C22orf42: variants seen among roughly 807,000 people sequenced by gnomAD.
C22orf42 encodes the protein chromosome 22 open reading frame 42.
A neutral mutation model predicts 31.4 loss-of-function variants in C22orf42; 24 were observed. That is an observed-to-expected ratio of 0.77 (90% CI 0.55 to 1.08). The LOEUF is 1.08. C22orf42 is among the 50% of genes least tolerant of loss of function. C22orf42 has a pLI of 0.00. For synonymous variants in C22orf42, 96 were observed against 112.7 expected, an observed-to-expected ratio of 0.85 and a Z score of 0.94; for missense variants, 276 against 327.3, an observed-to-expected ratio of 0.84 and a Z score of 1.21.
rs534826113 is a variant in C22orf42, at chr22:32,150,988, G to A, written c.493+4C>T. The A allele has an allele frequency of 5.6e-5, 90 of 1,611,042 alleles. No homozygotes were observed. The East Asian group carries it at 7.8e-4, about 14-fold the overall frequency. ...AATAAAGCTGTTTAAAAAAAAATAC[G>A]TACGGTGGTCGTGCTTGGCCTCAGA... On this transcript the variant is annotated splice_donor_region_variant and intron_variant, in intron 6 of 8. Transcript: ENST00000382097.
rs1603184940 is a variant in C22orf42 at position 32,159,177 on chromosome 22, C to T, written c.39G>A (p.Gly13=). 2 of 1,614,006 alleles carry T rather than the reference C, an allele frequency of 1.2e-6. No individual in the cohort carries two copies. Among genetic ancestry groups the T allele is most frequent in the African/African-American group, 1.3e-5 (1 of 75,032 alleles). The change falls in exon 1 of 9, where the codon GGG becomes GGA. Residue 13 remains glycine, a synonymous_variant. Coordinates refer to ENST00000382097, the MANE Select transcript of C22orf42 (RefSeq NM_001010859.3). ...GCCTGCAGCAGTCACAGTTGAGGCCCCCGCTGGGGCCCAGGCAGCAAGTCA... is the reference window on the plus strand; with the variant it reads ...GCCTGCAGCAGTCACAGTTGAGGCCTCCGCTGGGGCCCAGGCAGCAAGTCA... ...SKLTCCLGPS[G]GLNCDCCRPD... is the part of the protein sequence containing the mutation.
intron 5 of C22orf42, among the ~76,000 whole-genome samples, 171 bp downstream of exon 5, chr22:32,151,316 C>T (rs1478164445): frequency 1.3e-5 from 2 of 152,162 alleles, no homozygotes; most frequent in Non-Finnish European, 2.9e-5. Flanking sequence ...CCTTTGACGG[C>T]CATCGTCAAT....
rs45494991 is a variant in C22orf42, at chr22:32,149,775, C to G, written c.660G>C (p.Lys220Asn). 291 of 1,483,890 alleles carry G rather than the reference C, an allele frequency of 2.0e-4. 1 individual carries two copies. The Middle Eastern group carries it at 2.5e-3, about 13-fold the overall frequency. The allele number at this position is 1,483,890 out of a possible 1,614,324, so 91.9% of individuals were successfully genotyped here. A position where few individuals can be genotyped will look rare whatever the true frequency, so the allele number is the denominator to read the frequency against. ...LEDLMTPEMA[K>N]ERYEDYLCWV... ...TACAGAGGTAATCTTCATATCTCTCCTTTGCCTGCAATAGGAGAAAGGAAA... is the reference window on the plus strand; with the variant it reads ...TACAGAGGTAATCTTCATATCTCTCGTTTGCCTGCAATAGGAGAAAGGAAA... Residue 220 changes from lysine (K) to asparagine (N), a missense_variant, in exon 8 of 9, where the codon AAG becomes AAC. Physicochemically the swap from Lys to Asn is moderately conservative, Grantham distance 94. Transcript: ENST00000382097.
At chr22:32,158,829 C>G (rs113057339) in intron 1 of C22orf42, among the ~76,000 whole-genome samples, 155 bp downstream of exon 1, 1 of 152,166 alleles carries the variant, frequency 6.6e-6, no homozygotes, top group African/African-American at 2.4e-5. Context: ...GCAGAACCAG[C>G]CTTTGTCCCC....
At chr22:32,151,155 A>T in intron 5 of C22orf42, 136 bp from the exon 6 acceptor site, 1 of 923,494 alleles carries the variant, frequency 1.1e-6, no homozygotes, top group Non-Finnish European at 1.7e-6. Context: ...CCCCCAAATA[A>T]AGCATAGAGG....
intron 1 of C22orf42, among the ~76,000 whole-genome samples, chr22:32,157,883 T>C (rs1271247851): frequency 6.6e-6 from 1 of 152,290 alleles, no homozygotes; most frequent in Non-Finnish European, 1.5e-5. Context: ...GCCCACCTTG[T>C]GGCCACCCTG....
At chr22:32,152,674 T>C in intron 2 of C22orf42, 48 bp from the exon 3 acceptor site, 1 of 1,576,960 alleles carries the variant, frequency 6.3e-7, no homozygotes, top group Non-Finnish European at 8.7e-7. Flanking sequence ...TGCTGAGGAA[T>C]CCCACAAGGA....
chr22:32,150,017 C>T (rs184872777), intron 7 of C22orf42: 73 of 477,420 alleles, frequency 1.5e-4, no homozygotes, highest in African/African-American at 1.2e-3. Context: ...GAAAAAGTTG[C>T]TACTGAGAAA....
intron 4 of C22orf42, among the ~76,000 whole-genome samples, chr22:32,151,807 C>A (rs1315842095): frequency 6.6e-6 from 1 of 152,154 alleles, no homozygotes; most frequent in African/African-American, 2.4e-5. Context: ...CCGGTTAACA[C>A]AGAAAGGCGC....
In C22orf42 at chr22:32,150,990, A is replaced by C; in HGVS notation, c.493+2T>G. On this transcript the variant is annotated splice_donor_variant, in intron 6 of 8. Transcript: ENST00000382097. LOFTEE classifies it high-confidence loss of function. ...TAAAGCTGTTTAAAAAAAAATACGT[A>C]CGGTGGTCGTGCTTGGCCTCAGATA... The C allele has an allele frequency of 6.2e-7, 1 of 1,611,440 alleles. No homozygotes were observed. The highest frequency in any genetic ancestry group is 1.3e-5 in the African/African-American group (1 of 74,790).
At chr22:32,154,551 G>C (rs1211224486) in intron 1 of C22orf42, among the ~76,000 whole-genome samples, 1 of 152,224 alleles carries the variant, frequency 6.6e-6, no homozygotes, top group Non-Finnish European at 1.5e-5. Context: ...TGTGCAGGCA[G>C]ATACCTTTAT....
At chr22:32,151,840 C>T (rs1204799044) in intron 4 of C22orf42, among the ~76,000 whole-genome samples, 7 of 152,138 alleles carry the variant, frequency 4.6e-5, no homozygotes, top group African/African-American at 7.2e-5. Flanking sequence ...ACAGGAAGTA[C>T]ATTCGTGGCT....
chr22:32,158,977 T>G lies in C22orf42; in HGVS notation c.232+7A>C. 6.2e-7 allele frequency: 1 copy of G among 1,614,168 alleles called. No individual in the cohort carries two copies. Among genetic ancestry groups the G allele is most frequent in the Non-Finnish European group, 8.5e-7 (1 of 1,180,036 alleles). ...CAGAGAGCAAATGGCACCCATGGCT[T>G]CTTTACCTTTGGACATCTTCAGCAT... On this transcript the variant is annotated splice_region_variant and intron_variant, in intron 1 of 8. Transcript: ENST00000382097.
upstream of C22orf42, chr22:32,159,472 T>G: frequency 2.9e-6 from 4 of 1,360,454 alleles, no homozygotes; most frequent in Non-Finnish European, 3.8e-6. Flanking sequence ...GGCCACCCTG[T>G]CCCTCTGTGG....
At chr22:32,151,286 C>T (rs1265114603) in intron 5 of C22orf42, among the ~76,000 whole-genome samples, 15 of 152,110 alleles carry the variant, frequency 9.9e-5, no homozygotes, top group Non-Finnish European at 2.1e-4. Flanking sequence ...CACTACCAAA[C>T]AGTTTGTAAG....
chr22:32,153,131 C>T (rs1921062128), intron 2 of C22orf42, among the ~76,000 whole-genome samples: 1 of 152,082 alleles, frequency 6.6e-6, no homozygotes, highest in Non-Finnish European at 1.5e-5. Flanking sequence ...GGTGCTGTGT[C>T]AATAATGAGA....
At chr22:32,151,109 A>T in intron 5 of C22orf42, 90 bp from the exon 6 acceptor site, 1 of 1,333,078 alleles carries the variant, frequency 7.5e-7, no homozygotes, top group Non-Finnish European at 1.1e-6. Flanking sequence ...CTGGTGAAAT[A>T]AAAAACCGGA....
chr22:32,152,543 A>C lies in C22orf42; in HGVS notation c.372+19T>G, dbSNP rs767709848. 1.9e-6 allele frequency: 3 copies of C among 1,593,500 alleles called. No individual in the cohort carries two copies. In the East Asian group the frequency reaches 6.7e-5, roughly 36 times the overall value. On this transcript the variant is annotated intron_variant, in intron 3 of 8. Transcript: ENST00000382097. ...AAAACAAAAAGCATTTCTCTTCCAGAGAAAGAAATACATCTTACAATATCT... is the reference window on the plus strand; with the variant it reads ...AAAACAAAAAGCATTTCTCTTCCAGCGAAAGAAATACATCTTACAATATCT...
At chr22:32,156,134 A>G (rs1240614274) in intron 1 of C22orf42, among the ~76,000 whole-genome samples, 2 of 151,920 alleles carry the variant, frequency 1.3e-5, no homozygotes, top group African/African-American at 2.4e-5. Flanking sequence ...ACTTTAATAA[A>G]CTAAAGGAAA....
Sources: gnomAD v4.1 joint callset for allele counts (sites outside exome capture counted in the v4.1 genomes callset) on GRCh38, gnomAD v4.1.1 for gene constraint, MANE v1.5 for transcripts, NCBI Gene and HGNC (gene_info 2026-07-23, HGNC 2026-07-21) for gene names.